WASHC4: variants seen among roughly 807,000 people sequenced by gnomAD.
WASHC4 encodes WASH complex subunit 7.
Under a neutral mutation model 166.6 loss-of-function variants are expected in WASHC4, and 86 were observed. The ratio of observed to expected loss-of-function variants is 0.52; its 90% confidence interval spans 0.43 to 0.62. The LOEUF (loss-of-function observed/expected upper bound fraction) is 0.62, where lower values mean the gene tolerates loss of function less well. Among genes scored for constraint, WASHC4 ranks in the 20% least tolerant of loss-of-function variants. The pLI, the probability that WASHC4 is intolerant of heterozygous loss-of-function variation, is 0.00. For synonymous variants in WASHC4, 446 were observed against 451.6 expected (o/e 0.99, Z 0.16); for missense variants, 1,262 against 1,382.4 (o/e 0.91, Z 1.38).
At chr12:105,121,752 C>T (rs371405616) in intron 9 of WASHC4, among the ~76,000 whole-genome samples, 14 of 152,108 alleles carry the variant, frequency 9.2e-5, no homozygotes, top group South Asian at 2.1e-4. Flanking sequence ...ATGATCCGCC[C>T]GCCTTGGCCT....
At chr12:105,122,013 A>C in intron 9 of WASHC4, 105 bp from the exon 10 acceptor site, 5 of 797,978 alleles carry the variant, frequency 6.3e-6, no homozygotes, top group Middle Eastern at 3.7e-4. Flanking sequence ...TGTAGAGCCA[A>C]ACAAGAAATA....
chr12:105,114,861 A>G (rs1880030946), intron 4 of WASHC4, among the ~76,000 whole-genome samples: 1 of 151,998 alleles, frequency 6.6e-6, no homozygotes, highest in Non-Finnish European at 1.5e-5. Context: ...GAAGTTGACA[A>G]ACTTCGTATT....
At chr12:105,119,470 C>T (rs540840192) in intron 7 of WASHC4, among the ~76,000 whole-genome samples, 4 of 152,258 alleles carry the variant, frequency 2.6e-5, no homozygotes, top group African/African-American at 9.6e-5. Context: ...TTTTGGTCAC[C>T]AGCACATTCA....
At chr12:105,154,971 G>A (rs181025140) in intron 26 of WASHC4, 10 of 152,316 alleles carry the variant, frequency 6.6e-5, no homozygotes, top group Admixed American at 4.6e-4. Context: ...ATGTAGGGTT[G>A]TTAAAAACAT....
chr12:105,140,832 G>C (rs1004245312), intron 16 of WASHC4, 67 bp from the exon 17 acceptor site: 1 of 1,435,766 alleles, frequency 7.0e-7, no homozygotes, highest in African/African-American at 1.4e-5. Flanking sequence ...AGATAATCAA[G>C]AAGTTTTTCT....
intron 26 of WASHC4, 32 bp downstream of exon 26, chr12:105,152,483 G>T (rs1373522220): frequency 8.7e-7 from 1 of 1,148,940 alleles, no homozygotes; most frequent in Admixed American, 1.7e-5. Flanking sequence ...GGGAAATCAG[G>T]TACAGATCCC....
intron 32 of WASHC4, 64 bp from the exon 33 acceptor site, chr12:105,166,800 C>A (rs549653736): frequency 2.6e-6 from 3 of 1,166,456 alleles, no homozygotes; most frequent in African/African-American, 3.1e-5. Context: ...ATTTCTTTTA[C>A]TTCTTAATTT....
At chr12:105,147,574 A>G (rs1370032268) in intron 24 of WASHC4, 1 of 1,012,290 alleles carries the variant, frequency 9.9e-7, no homozygotes, top group Non-Finnish European at 1.2e-6. Flanking sequence ...GTCCATATAA[A>G]TAGGAACTTA....
intron 26 of WASHC4, among the ~76,000 whole-genome samples, chr12:105,152,837 A>G (rs892829843): frequency 2.6e-5 from 4 of 152,190 alleles, no homozygotes; most frequent in African/African-American, 9.6e-5. Context: ...TATTTACATG[A>G]AAAGTTATTA....
chr12:105,121,714 G>A (rs1880769398), intron 9 of WASHC4, among the ~76,000 whole-genome samples: 1 of 151,930 alleles, frequency 6.6e-6, no homozygotes, highest in African/African-American at 2.4e-5. Context: ...CACCATGTTG[G>A]CCAGGATGGT....
At chr12:105,164,971 C>G (rs1884723147) in intron 32 of WASHC4, among the ~76,000 whole-genome samples, 1 of 152,174 alleles carries the variant, frequency 6.6e-6, no homozygotes, top group Admixed American at 6.5e-5. Flanking sequence ...AAACCTTGTT[C>G]AGGATCATCT....
At chr12:105,135,851 G>T (rs1204320211) in intron 14 of WASHC4, among the ~76,000 whole-genome samples, 1 of 151,762 alleles carries the variant, frequency 6.6e-6, no homozygotes, top group Non-Finnish European at 1.5e-5. Flanking sequence ...TCATTATTTG[G>T]GTATTTGTCT....
chr12:105,149,875 T>C, intron 25 of WASHC4, 126 bp downstream of exon 25: 1 of 898,790 alleles, frequency 1.1e-6, no homozygotes, highest in Non-Finnish European at 1.6e-6. Flanking sequence ...AATTTCTTAC[T>C]CTGCATTATC....
rs2305047 is a variant in WASHC4 at position 105,107,769 on chromosome 12, T to C, written c.-32T>C. ...AGGCCGTCGTCGCCGCACGGGCTGGTTGGGGCTGTGTCTGTGGGAGGCGCC... is the reference window on the plus strand; with the variant it reads ...AGGCCGTCGTCGCCGCACGGGCTGGCTGGGGCTGTGTCTGTGGGAGGCGCC... On this transcript the variant is annotated 5_prime_UTR_variant, in exon 1 of 33. Transcript: ENST00000332180. The C allele has an allele frequency of 3.3e-3, 5,016 of 1,529,240 alleles. 231 individuals carry two copies. In the East Asian group the frequency reaches 0.097, roughly 30 times the overall value. 94.7% of individuals were successfully genotyped at this position (1,529,240 alleles called of 1,614,324 possible). A position where few individuals can be genotyped will look rare whatever the true frequency, so the allele number is the denominator to read the frequency against.
At chr12:105,109,195 A>G (rs2135713799) in intron 1 of WASHC4, among the ~76,000 whole-genome samples, 1 of 152,060 alleles carries the variant, frequency 6.6e-6, no homozygotes, top group African/African-American at 2.4e-5. Flanking sequence ...TTTTTTGTGG[A>G]GGGGATTCTG....
Position 105,143,153 on chromosome 12 carries a change from T to C in WASHC4, c.1920T>C (p.Cys640=), listed in dbSNP as rs754490917. 12 of 1,610,956 alleles carry C rather than the reference T, an allele frequency of 7.4e-6. No homozygotes were observed. In the Admixed American group the frequency reaches 1.0e-4, roughly 13 times the overall value. Residue 640 remains cysteine (C), a synonymous_variant, in exon 20 of 33, where the codon TGT becomes TGC. Coordinates refer to ENST00000332180, the MANE Select transcript of WASHC4 (RefSeq NM_015275.3). ...ACATGTTCAGTGCTTTGCGCGACTGTGTACCTGCTATGATGCATGCAAGGC... is the reference window on the plus strand; with the variant it reads ...ACATGTTCAGTGCTTTGCGCGACTGCGTACCTGCTATGATGCATGCAAGGC... ...LHYMFSALRD[C]VPAMMHARHL...
intron 13 of WASHC4, among the ~76,000 whole-genome samples, chr12:105,127,675 TC>T (rs906556332): frequency 6.6e-6 from 1 of 152,106 alleles, no homozygotes; most frequent in African/African-American, 2.4e-5. Flanking sequence ...GCTTCCTTTT[TC>T]CCCCTTCTTT....
intron 15 of WASHC4, among the ~76,000 whole-genome samples, chr12:105,140,003 C>T (rs574201638): frequency 6.6e-6 from 1 of 151,928 alleles, no homozygotes; most frequent in East Asian, 1.9e-4. Flanking sequence ...GCCTCAGCTA[C>T]AGGAACTACA....
chr12:105,151,914 G>A (rs1883802045), intron 25 of WASHC4, among the ~76,000 whole-genome samples: 1 of 152,142 alleles, frequency 6.6e-6, no homozygotes, highest in Admixed American at 6.5e-5. Flanking sequence ...CCAAAAAGTA[G>A]TTTTTTTATT....
Sources: allele counts gnomAD v4.1 joint callset (sites outside exome capture counted in the v4.1 genomes callset), GRCh38; gene constraint gnomAD v4.1.1; transcripts MANE v1.5; gene names NCBI Gene and HGNC (gene_info 2026-07-23, HGNC 2026-07-21).